Variants in ADAMTS17 observed in about 807,000 individuals in gnomAD.
ADAMTS17 encodes ADAM metallopeptidase with thrombospondin type 1 motif 17.
In ADAMTS17, 113 loss-of-function variants were observed where a neutral mutation model predicts 141.5. The observed-to-expected ratio is 0.80, with a 90% confidence interval of 0.69 to 0.93. The LOEUF is 0.93. Ranked by LOEUF, ADAMTS17 falls within the 40% of genes least tolerant of loss-of-function variation. The pLI, the probability that ADAMTS17 is intolerant of heterozygous loss-of-function variation, is 0.00. For synonymous variants in ADAMTS17, 768 were observed against 630.6 expected (o/e 1.22, Z -3.27); for missense variants, 1,659 against 1,517.9 (o/e 1.09, Z -1.54).
intron 3 of ADAMTS17, among the ~76,000 whole-genome samples, chr15:100,314,947 T>C (rs1219163971): frequency 6.6e-6 from 1 of 152,060 alleles, no homozygotes; most frequent in Non-Finnish European, 1.5e-5. Context: ...CCCTGGAGAG[T>C]GCATTTTATA....
intron 19 of ADAMTS17, among the ~76,000 whole-genome samples, chr15:99,994,566 TTTTTTTA>T (rs1275861095): frequency 6.6e-6 from 1 of 152,172 alleles, no homozygotes; most frequent in East Asian, 1.9e-4. Context: ...TAGCTTTCTC[TTTTTTTA>T]TTTTTTATTT....
At chr15:100,294,213 T>C (rs933192069) in intron 3 of ADAMTS17, among the ~76,000 whole-genome samples, 2 of 152,176 alleles carry the variant, frequency 1.3e-5, no homozygotes, top group African/African-American at 2.4e-5. Flanking sequence ...AGGGTCTAAG[T>C]ACTGATTTGA....
At chr15:100,151,417 G>A (rs1364665153) in intron 10 of ADAMTS17, among the ~76,000 whole-genome samples, 1 of 152,194 alleles carries the variant, frequency 6.6e-6, no homozygotes, top group African/African-American at 2.4e-5. Context: ...TCAAGAGGCA[G>A]CATCTGTCTC....
At chr15:100,274,672 A>G (rs1442897357) in intron 4 of ADAMTS17, among the ~76,000 whole-genome samples, 1 of 152,228 alleles carries the variant, frequency 6.6e-6, no homozygotes, top group Non-Finnish European at 1.5e-5. Context: ...CACTTCAAGT[A>G]ATTACTGATA....
intron 3 of ADAMTS17, among the ~76,000 whole-genome samples, chr15:100,302,796 C>G (rs28821801): frequency 0.11 from 16,021 of 152,210 alleles, 956 homozygotes; most frequent in African/African-American, 0.17. Context: ...TGCCACAGGA[C>G]ATTCACATTT....
intron 18 of ADAMTS17, among the ~76,000 whole-genome samples, chr15:100,045,111 A>C (rs1434374358): frequency 1.3e-5 from 2 of 151,834 alleles, no homozygotes; most frequent in African/African-American, 4.9e-5. Flanking sequence ...CCAGCCTGTT[A>C]ATTTGGATTT....
intron 20 of ADAMTS17, among the ~76,000 whole-genome samples, chr15:99,992,421 G>A (rs1445508341): frequency 6.6e-6 from 1 of 152,176 alleles, no homozygotes; most frequent in Non-Finnish European, 1.5e-5. Context: ...TCTTACAGGT[G>A]GCAGTGGGGC....
At chr15:100,147,065 G>C (rs553185919) in intron 10 of ADAMTS17, among the ~76,000 whole-genome samples, 2 of 152,132 alleles carry the variant, frequency 1.3e-5, no homozygotes, top group African/African-American at 2.4e-5. Flanking sequence ...ACCTTCTGAA[G>C]TACTTGATGT....
At chr15:100,015,610 T>G (rs1246335728) in intron 18 of ADAMTS17, among the ~76,000 whole-genome samples, 3 of 152,186 alleles carry the variant, frequency 2.0e-5, no homozygotes, top group Non-Finnish European at 4.4e-5. Flanking sequence ...GACTGTATCT[T>G]TCCTTCATAT....
intron 7 of ADAMTS17, among the ~76,000 whole-genome samples, chr15:100,248,803 T>C (rs1287181149): frequency 9.4e-6 from 1 of 106,654 alleles, no homozygotes; most frequent in African/African-American, 6.6e-5. Flanking sequence ...CTGGTGTTAA[T>C]TTTTTTTTTT....
At position 100,119,567 on chromosome 15, in the gene ADAMTS17, G is replaced by C. The variant is rs535092063; in HGVS notation, c.1722-2554C>G. Among the ~76,000 whole-genome samples, 3 of 152,258 alleles carry C rather than the reference G, an allele frequency of 2.0e-5. No individual in the cohort carries two copies. In the East Asian group the frequency reaches 5.8e-4, roughly 29 times the overall value. On this transcript the variant is annotated intron_variant, in intron 12 of 21. Transcript: ENST00000268070. ...GCCTTTCCAGTAGCTGATTTCTCCAGTTTTACATCTGCCTAACCCGCACAC... is the reference window on the plus strand; with the variant it reads ...GCCTTTCCAGTAGCTGATTTCTCCACTTTTACATCTGCCTAACCCGCACAC...
chr15:100,225,495 C>T (rs1365885169), intron 7 of ADAMTS17, among the ~76,000 whole-genome samples: 2 of 150,592 alleles, frequency 1.3e-5, no homozygotes, highest in Non-Finnish European at 2.9e-5. Flanking sequence ...GGTCTCTGTG[C>T]CATTCAGTCC....
intron 7 of ADAMTS17, among the ~76,000 whole-genome samples, chr15:100,201,832 T>TA (rs2041345876): frequency 6.6e-6 from 1 of 152,142 alleles, no homozygotes; most frequent in African/African-American, 2.4e-5. Context: ...ATTCTGGGTT[T>TA]TGTTTAAAAA....
chr15:100,020,817 G>T (rs979590609), intron 18 of ADAMTS17, among the ~76,000 whole-genome samples: 1 of 152,180 alleles, frequency 6.6e-6, no homozygotes, highest in Non-Finnish European at 1.5e-5. Flanking sequence ...CTATCTCCAT[G>T]CACTGACTCA....
chr15:100,148,521 C>CT (rs58967475), intron 10 of ADAMTS17, among the ~76,000 whole-genome samples: 2,640 of 144,824 alleles, frequency 0.018, 62 homozygotes, highest in African/African-American at 0.043. Flanking sequence ...GGCTGACAGC[C>CT]TTTTTTTTTT....
intron 18 of ADAMTS17, among the ~76,000 whole-genome samples, chr15:100,032,392 C>T (rs1412895627): frequency 6.6e-6 from 1 of 152,188 alleles, no homozygotes; most frequent in African/African-American, 2.4e-5. Context: ...CCTGAATTTT[C>T]ATTTCTTTTC....
At chr15:100,181,994 A>C (rs2040541811) in intron 8 of ADAMTS17, among the ~76,000 whole-genome samples, 1 of 152,236 alleles carries the variant, frequency 6.6e-6, no homozygotes. Flanking sequence ...CTCAAGTTCC[A>C]ACCACTGGGA....
intron 18 of ADAMTS17, among the ~76,000 whole-genome samples, chr15:100,025,866 T>C (rs934655166): frequency 2.0e-5 from 3 of 152,204 alleles, no homozygotes; most frequent in Non-Finnish European, 4.4e-5. Context: ...TTACTGTTTA[T>C]TTATTTTTTG....
rs769659419 is a variant in ADAMTS17 at position 100,132,058 on chromosome 15, C to T, written c.1670G>A (p.Arg557Gln). 44 of 1,613,794 alleles carry T rather than the reference C, an allele frequency of 2.7e-5. No individual in the cohort carries two copies. Among genetic ancestry groups the T allele is most frequent in the African/African-American group, 5.3e-5 (4 of 74,926 alleles). Reference protein sequence around the residue: ...SPWGAWSMCSRTCGTGARFRQ... With the variant: ...SPWGAWSMCSQTCGTGARFRQ... ...GAAGCGGGCTCCCGTCCCACATGTT[C>T]GGCTGCACATGCTCCAGGCGCCCCA... Residue 557 changes from arginine (R) to glutamine (Q), a missense_variant, in exon 12 of 22, where the codon CGA (arginine) becomes CAA (glutamine). By Grantham distance (43) the Arg-to-Gln change is conservative. Transcript: ENST00000268070.
Sources: allele counts gnomAD v4.1 joint callset (sites outside exome capture counted in the v4.1 genomes callset), GRCh38; gene constraint gnomAD v4.1.1; transcripts MANE v1.5; gene names NCBI Gene and HGNC (gene_info 2026-07-23, HGNC 2026-07-21).